Variants in CDH13 observed in about 807,000 individuals in gnomAD.
The protein encoded by CDH13 is cadherin 13.
A neutral mutation model predicts 63.8 loss-of-function variants in CDH13; 24 were observed. The observed-to-expected ratio is 0.38, with a 90% confidence interval of 0.27 to 0.53. CDH13 has a LOEUF of 0.53. CDH13 is among the 20% of genes least tolerant of loss of function. The pLI, the probability that CDH13 is intolerant of heterozygous loss-of-function variation, is 0.85. For missense variants in CDH13, 1,049 were observed against 903.1 expected, an observed-to-expected ratio of 1.16 and a Z score of -2.07; for synonymous variants, 503 against 355.3, an observed-to-expected ratio of 1.42 and a Z score of -4.67.
intron 6 of CDH13, among the ~76,000 whole-genome samples, chr16:83,370,243 C>T (rs535956244): frequency 6.6e-6 from 1 of 152,078 alleles, no homozygotes; most frequent in South Asian, 2.1e-4. Flanking sequence ...AAAAAATTAG[C>T]CGGGTGCGGT....
intron 6 of CDH13, among the ~76,000 whole-genome samples, chr16:83,365,696 G>T (rs750312699): frequency 2.7e-4 from 41 of 152,298 alleles, no homozygotes; most frequent in Non-Finnish European, 4.4e-4. Context: ...AGCAGAAGAG[G>T]AAGGCAAGAG....
chr16:83,028,824 C>T (rs67412520), intron 2 of CDH13, among the ~76,000 whole-genome samples: 1 of 151,988 alleles, frequency 6.6e-6, no homozygotes, highest in Non-Finnish European at 1.5e-5. Context: ...TGAAGAAAGC[C>T]AAGCCATGGA....
chr16:83,637,129 C>T (rs1014468407), intron 8 of CDH13, among the ~76,000 whole-genome samples: 5 of 152,148 alleles, frequency 3.3e-5, no homozygotes, highest in African/African-American at 1.2e-4. Flanking sequence ...ATTTTAAATA[C>T]AGTTTGAACT....
At chr16:82,904,389 A>T (rs546672552) in intron 2 of CDH13, among the ~76,000 whole-genome samples, 2 of 152,254 alleles carry the variant, frequency 1.3e-5, no homozygotes, top group South Asian at 4.2e-4. Flanking sequence ...TGATATGATG[A>T]TTTTTAGCTT....
At chr16:82,851,650 G>A (rs1336233637) in intron 1 of CDH13, among the ~76,000 whole-genome samples, 2 of 140,752 alleles carry the variant, frequency 1.4e-5, no homozygotes, top group South Asian at 5.1e-4. Context: ...CAGGGGCGTG[G>A]ACATGAGTAC....
At chr16:82,890,715 G>A (rs1369938917) in intron 2 of CDH13, among the ~76,000 whole-genome samples, 2 of 146,830 alleles carry the variant, frequency 1.4e-5, no homozygotes, top group East Asian at 4.1e-4. Context: ...GCAATGGCAT[G>A]ATCTTGGCTC....
intron 7 of CDH13, among the ~76,000 whole-genome samples, chr16:83,487,305 T>C (rs754948773): frequency 4.6e-5 from 7 of 152,254 alleles, no homozygotes; most frequent in Non-Finnish European, 1.0e-4. Context: ...TATTTAGATT[T>C]CACGTTTCTG....
rs142514590 is a variant in CDH13 at position 83,018,803 on chromosome 16, T to G, written c.158-13207T>G. On this transcript the variant is annotated intron_variant, in intron 2 of 13. Coordinates refer to ENST00000567109, the MANE Select transcript of CDH13 (RefSeq NM_001257.5). ...TAGCACGGTGCTGTACTGAGTGCTA[T>G]AGGCAATTGTAACACAATGGCAAGT... Among the ~76,000 whole-genome samples the G allele has an allele frequency of 3.1e-3, 477 of 152,346 alleles. 2 individuals are homozygous for G. The highest frequency in any genetic ancestry group is 0.011 in the African/African-American group (455 of 41,570).
intron 3 of CDH13, among the ~76,000 whole-genome samples, chr16:83,094,260 C>T (rs1414847096): frequency 6.6e-6 from 1 of 152,154 alleles, no homozygotes; most frequent in African/African-American, 2.4e-5. Context: ...GCTTTGCCCT[C>T]TTTGTCATTG....
chr16:82,674,800 G>A (rs1052219893), intron 1 of CDH13, among the ~76,000 whole-genome samples: 4 of 152,226 alleles, frequency 2.6e-5, no homozygotes, highest in African/African-American at 9.6e-5. Context: ...ATTATGGTAT[G>A]TGTTGGCGGG....
intron 4 of CDH13, among the ~76,000 whole-genome samples, chr16:83,147,619 G>C (rs1044047214): frequency 1.3e-5 from 2 of 151,896 alleles, no homozygotes; most frequent in Non-Finnish European, 2.9e-5. Flanking sequence ...CTTTTTCTTC[G>C]GGTCCTTTCC....
At chr16:83,516,696 C>G (rs905159881) in intron 7 of CDH13, among the ~76,000 whole-genome samples, 5 of 152,148 alleles carry the variant, frequency 3.3e-5, no homozygotes, top group African/African-American at 1.2e-4. Flanking sequence ...CTCTTCCAGG[C>G]ACAGTATTTA....
chr16:83,777,912 G>C (rs1019465767), intron 11 of CDH13, among the ~76,000 whole-genome samples: 1 of 152,212 alleles, frequency 6.6e-6, no homozygotes, highest in Non-Finnish European at 1.5e-5. Flanking sequence ...GATTAGTACT[G>C]TATAGTATTA....
Position 83,780,105 on chromosome 16 carries a change from T to A in CDH13, c.1819T>A (p.Ser607Thr). 6.2e-7 allele frequency: 1 copy of A among 1,613,802 alleles called. No homozygotes were observed. The highest frequency in any genetic ancestry group is 2.2e-5 in the East Asian group (1 of 44,874). ...KNLSVVILGA[S>T]DKDLHPNTDP... Reference sequence around the variant, plus strand: ...CCTCAGTGTAGTCATTTTGGGAGCATCAGATAAGGATCTTCACCCGAATAC... The same window carrying A: ...CCTCAGTGTAGTCATTTTGGGAGCAACAGATAAGGATCTTCACCCGAATAC... The change falls in exon 12 of 14, where the codon TCA becomes ACA. Residue 607 changes from serine to threonine, a missense_variant. Ser to Thr is a moderately conservative substitution (Grantham distance 58, BLOSUM62 1). Coordinates refer to ENST00000567109, the MANE Select transcript of CDH13 (RefSeq NM_001257.5).
intron 6 of CDH13, among the ~76,000 whole-genome samples, chr16:83,391,482 G>A (rs1046256687): frequency 5.3e-5 from 8 of 152,130 alleles, no homozygotes; most frequent in Non-Finnish European, 1.0e-4. Flanking sequence ...GGGATTACAG[G>A]CATGAGCCAC....
intron 7 of CDH13, among the ~76,000 whole-genome samples, chr16:83,489,382 A>G (rs1309896402): frequency 1.3e-5 from 2 of 152,240 alleles, no homozygotes; most frequent in East Asian, 1.9e-4. Context: ...TGGAAAATCA[A>G]TGAAAATGAA....
chr16:83,140,617 G>A (rs1323146344), intron 4 of CDH13, among the ~76,000 whole-genome samples: 1 of 152,062 alleles, frequency 6.6e-6, no homozygotes, highest in Non-Finnish European at 1.5e-5. Flanking sequence ...CCATGCCCTG[G>A]CTAATTTTTG....
At chr16:82,772,239 C>T (rs1276120559) in intron 1 of CDH13, among the ~76,000 whole-genome samples, 1 of 152,154 alleles carries the variant, frequency 6.6e-6, no homozygotes. Flanking sequence ...TCCCTTCCCT[C>T]CACCCAGAAG....
intron 3 of CDH13, among the ~76,000 whole-genome samples, chr16:83,111,653 C>A (rs191559109): frequency 6.6e-6 from 1 of 152,262 alleles, no homozygotes; most frequent in East Asian, 1.9e-4. Flanking sequence ...GGTCAGAGCA[C>A]TCAGGCATTG....
Sources: allele counts gnomAD v4.1 joint callset (sites outside exome capture counted in the v4.1 genomes callset), GRCh38; gene constraint gnomAD v4.1.1; transcripts MANE v1.5; gene names NCBI Gene and HGNC (gene_info 2026-07-23, HGNC 2026-07-21).